Variants in DLGAP2 observed in about 807,000 individuals in gnomAD.
DLGAP2 encodes the protein disks large-associated protein 2.
Under a neutral mutation model 100.3 loss-of-function variants are expected in DLGAP2, and 26 were observed. The ratio of observed to expected loss-of-function variants is 0.26; its 90% CI spans 0.19 to 0.36. The LOEUF is 0.36. DLGAP2 is among the 10% of genes least tolerant of loss of function. The pLI is 1.00. For missense variants in DLGAP2, 1,858 were observed against 1,453.2 expected (o/e 1.28, Z -4.53); for synonymous variants, 886 against 630.1 (o/e 1.41, Z -6.08).
intron 2 of DLGAP2, among the ~76,000 whole-genome samples, chr8:910,164 A>G (rs1043721307): frequency 6.6e-6 from 1 of 152,258 alleles, no homozygotes; most frequent in Non-Finnish European, 1.5e-5. Flanking sequence ...CAGCATCACC[A>G]TGGCGGATTC....
intron 1 of DLGAP2, among the ~76,000 whole-genome samples, chr8:842,552 C>G (rs979321153): frequency 6.6e-6 from 1 of 152,172 alleles, no homozygotes; most frequent in African/African-American, 2.4e-5. Flanking sequence ...TTTAATTTCT[C>G]TGGTACATGG....
intron 2 of DLGAP2, among the ~76,000 whole-genome samples, chr8:1,116,209 G>A (rs752563879): frequency 6.6e-6 from 1 of 152,204 alleles, no homozygotes; most frequent in Non-Finnish European, 1.5e-5. Flanking sequence ...GTGTGAGAAG[G>A]GAGCAGGCCC....
chr8:740,517 C>G (rs1820455839), intron 1 of DLGAP2: 2 of 152,162 alleles, frequency 1.3e-5, no homozygotes. Context: ...TTATTTGTGT[C>G]TACTTATTTC....
chr8:926,953 G>T (rs1798829269), intron 2 of DLGAP2: 1 of 882,162 alleles, frequency 1.1e-6, no homozygotes, highest in African/African-American at 1.8e-5. Context: ...GCGCTGTGGG[G>T]GTGGGGACAG....
intron 3 of DLGAP2, among the ~76,000 whole-genome samples, chr8:1,344,210 T>TAA (rs2117089478): frequency 2.0e-5 from 3 of 152,216 alleles, no homozygotes; most frequent in East Asian, 1.9e-4. Flanking sequence ...GGCCCTGTCG[T>TAA]GGGGCCTGTG....
chr8:884,442 G>C (rs1377947103), intron 1 of DLGAP2, among the ~76,000 whole-genome samples: 4 of 151,730 alleles, frequency 2.6e-5, no homozygotes, highest in Admixed American at 2.0e-4. Flanking sequence ...GTCTTCTTTT[G>C]AGAAATGTCT....
chr8:1,228,027 A>C, intron 2 of DLGAP2, among the ~76,000 whole-genome samples: 1 of 152,102 alleles, frequency 6.6e-6, no homozygotes, highest in East Asian at 1.9e-4. Context: ...TTAAATATAC[A>C]CAATAACACT....
intron 3 of DLGAP2, among the ~76,000 whole-genome samples, chr8:1,336,065 C>G (rs992920181): frequency 6.6e-6 from 1 of 152,246 alleles, no homozygotes; most frequent in Non-Finnish European, 1.5e-5. Flanking sequence ...CGTCTCATGT[C>G]AAGCCTGGTC....
intron 2 of DLGAP2, among the ~76,000 whole-genome samples, chr8:1,215,856 G>C (rs1419962785): frequency 7.0e-6 from 1 of 142,962 alleles, no homozygotes; most frequent in Non-Finnish European, 1.5e-5. Context: ...GGGTTCATTT[G>C]GGTGCATCAC....
chr8:985,130 G>A (rs545632655), intron 2 of DLGAP2, among the ~76,000 whole-genome samples: 5 of 152,158 alleles, frequency 3.3e-5, no homozygotes, highest in African/African-American at 4.8e-5. Flanking sequence ...AGATCTTCGG[G>A]TATTTCCAAG....
chr8:1,230,887 C>G (rs576230669), intron 2 of DLGAP2, among the ~76,000 whole-genome samples: 30 of 152,158 alleles, frequency 2.0e-4, no homozygotes, highest in Admixed American at 5.2e-4. Flanking sequence ...AATGTAAGAC[C>G]TCAAACTTCA....
intron 8 of DLGAP2, among the ~76,000 whole-genome samples, chr8:1,647,712 T>G (rs1357514668): frequency 1.3e-5 from 2 of 152,146 alleles, no homozygotes; most frequent in African/African-American, 2.4e-5. Context: ...CTGCAGGAGC[T>G]GCCAGTCCCC....
At chr8:1,504,079 C>T (rs1799817294) in intron 4 of DLGAP2, among the ~76,000 whole-genome samples, 2 of 151,880 alleles carry the variant, frequency 1.3e-5, no homozygotes, top group Non-Finnish European at 2.9e-5. Flanking sequence ...AGGTCTTGAC[C>T]CTGGTTCTAT....
At chr8:1,138,822 T>C (rs1420180978) in intron 2 of DLGAP2, among the ~76,000 whole-genome samples, 1 of 152,000 alleles carries the variant, frequency 6.6e-6, no homozygotes, top group African/African-American at 2.4e-5. Flanking sequence ...TTCCTGTTTA[T>C]TTACTAGTCC....
chr8:944,807 G>T (rs1027841559), intron 2 of DLGAP2, among the ~76,000 whole-genome samples: 2 of 151,776 alleles, frequency 1.3e-5, no homozygotes, highest in African/African-American at 4.8e-5. Flanking sequence ...AGTCGATATG[G>T]GTGATCCAGT....
rs1470066787 is a variant in DLGAP2, at chr8:1,077,046, G to T, written c.73+169080G>T. 1.3e-5 allele frequency among the ~76,000 whole-genome samples: 2 copies of T among 151,504 alleles called. 1 individual carries two copies. The highest frequency in any genetic ancestry group is 2.9e-5 in the Non-Finnish European group (2 of 67,894). On this transcript the variant is annotated intron_variant, in intron 2 of 14. Coordinates refer to ENST00000637795, the MANE Select transcript of DLGAP2 (RefSeq NM_001346810.2). ...TCCCGGGCCCCCCCAAGACCAAGAG[G>T]GTGGAGGAGTCTGTCCCGGGCTCCC...
At chr8:1,027,550 C>T (rs1363598699) in intron 2 of DLGAP2, among the ~76,000 whole-genome samples, 4 of 150,234 alleles carry the variant, frequency 2.7e-5, no homozygotes, top group African/African-American at 9.8e-5. Context: ...CATTATTCTC[C>T]AGGTGGGGTG....
chr8:1,254,575 T>C (rs1799128370), intron 2 of DLGAP2, among the ~76,000 whole-genome samples: 2 of 152,290 alleles, frequency 1.3e-5, no homozygotes, highest in Non-Finnish European at 1.5e-5. Flanking sequence ...AATCACGATC[T>C]ATGGCCTAAG....
chr8:1,254,836 T>G (rs915461045), intron 2 of DLGAP2, among the ~76,000 whole-genome samples: 2 of 125,144 alleles, frequency 1.6e-5, no homozygotes, highest in Non-Finnish European at 3.5e-5. Flanking sequence ...GCTCCTGACT[T>G]TTCCTCCGTG....
Sources: gnomAD v4.1 joint callset for allele counts (sites outside exome capture counted in the v4.1 genomes callset) on GRCh38, gnomAD v4.1.1 for gene constraint, MANE v1.5 for transcripts, NCBI Gene and HGNC (gene_info 2026-07-23, HGNC 2026-07-21) for gene names.